Variants in PSMG4 observed in about 807,000 individuals in gnomAD.
PSMG4 encodes the protein proteasome assembly chaperone 4.
PSMG4 carries 10 observed loss-of-function variants against 11.0 expected under a neutral mutation model. The observed-to-expected ratio is 0.91, with a 90% CI of 0.56 to 1.54. The LOEUF (loss-of-function observed/expected upper bound fraction) is 1.54. PSMG4 is among the 40% of genes most tolerant of loss of function. The pLI, the probability that PSMG4 is intolerant of heterozygous loss-of-function variation, is 0.00. For missense variants in PSMG4, 198 were observed against 160.9 expected, an observed-to-expected ratio of 1.23 and a Z score of -1.25; for synonymous variants, 95 against 71.3, an observed-to-expected ratio of 1.33 and a Z score of -1.68.
upstream of PSMG4, chr6:3,255,344 T>C (rs1757724834): frequency 4.1e-6 from 6 of 1,456,070 alleles, no homozygotes; most frequent in Non-Finnish European, 5.4e-6. Flanking sequence ...AGTCATTCTA[T>C]GTAGTTGCTT....
At position 3,267,848 on chromosome 6, in the gene PSMG4, AGT is replaced by A. The variant is rs1758256281; in HGVS notation, c.*142_*143del. ...TAATCTTTTGAGCTTCCTTCTCAGC[AGT>A]GTGTGGGCCAAAAGGCTCATACTGA... On this transcript the variant is annotated 3_prime_UTR_variant, in exon 3 of 3. Coordinates refer to ENST00000438998, the MANE Select transcript of PSMG4 (RefSeq NM_001128591.2). 6.6e-6 allele frequency: 6 copies of A among 914,136 alleles called. No homozygotes were observed. The South Asian group carries it at 8.3e-5, about 13-fold the overall frequency. 56.6% of individuals were successfully genotyped at this position (914,136 alleles called of 1,614,324 possible).
intron 1 of PSMG4, 37 bp downstream of exon 1, chr6:3,259,233 C>T (rs1259108238): frequency 2.9e-6 from 3 of 1,029,248 alleles, no homozygotes; most frequent in African/African-American, 4.1e-5. Flanking sequence ...GGCGGCGGGG[C>T]GGGGGCGCGG....
At chr6:3,260,977 A>G (rs973782105) in intron 1 of PSMG4, among the ~76,000 whole-genome samples, 2 of 151,998 alleles carry the variant, frequency 1.3e-5, no homozygotes, top group Admixed American at 6.5e-5. Flanking sequence ...TGAGTGTTTC[A>G]CGGTGAGGTT....
chr6:3,263,621 C>T (rs1487225925), intron 1 of PSMG4, 63 bp from the exon 2 acceptor site: 7 of 1,380,584 alleles, frequency 5.1e-6, no homozygotes, highest in African/African-American at 4.4e-5. Flanking sequence ...GCCCGGAAGC[C>T]AGAAGTGTGG....
At chr6:3,261,792 C>T (rs977064262) in intron 1 of PSMG4, among the ~76,000 whole-genome samples, 3 of 152,178 alleles carry the variant, frequency 2.0e-5, no homozygotes, top group Admixed American at 2.0e-4. Flanking sequence ...GTGGGCCAGC[C>T]CTCCATCTAC....
chr6:3,261,307 G>A (rs952173922), intron 1 of PSMG4, among the ~76,000 whole-genome samples: 6 of 152,170 alleles, frequency 3.9e-5, no homozygotes, highest in African/African-American at 1.4e-4. Flanking sequence ...AGAGGCCTGG[G>A]GGACCAGGGG....
upstream of PSMG4, among the ~76,000 whole-genome samples, chr6:3,256,908 C>G (rs773708783): frequency 6.6e-6 from 1 of 152,072 alleles, no homozygotes; most frequent in African/African-American, 2.4e-5. Flanking sequence ...TGAAGTGGAC[C>G]TAGGTGGCAC....
chr6:3,255,170 TA>T, upstream of PSMG4: 3 of 1,550,844 alleles, frequency 1.9e-6, no homozygotes, highest in Non-Finnish European at 2.6e-6. Context: ...ACTGACGGCT[TA>T]CATGTGCGCT....
At chr6:3,254,992 C>G (rs184736294), upstream of PSMG4, 110 of 1,524,336 alleles carry the variant, frequency 7.2e-5, 2 homozygotes, top group Middle Eastern at 5.1e-4. Flanking sequence ...ATCCCATGGA[C>G]CTAGCGCACT....
At chr6:3,255,417 T>C (rs1332778341), upstream of PSMG4, among the ~76,000 whole-genome samples, 1 of 151,256 alleles carries the variant, frequency 6.6e-6, no homozygotes, top group Non-Finnish European at 1.5e-5. Context: ...TCACACTTCG[T>C]GGACACTCCA....
chr6:3,264,376 T>C, intron 2 of PSMG4: 4 of 1,529,512 alleles, frequency 2.6e-6, no homozygotes, highest in Non-Finnish European at 3.5e-6. Flanking sequence ...CTGTGGCCAG[T>C]GTGCACAGGA....
chr6:3,261,557 C>T (rs1013695356), intron 1 of PSMG4, among the ~76,000 whole-genome samples: 8 of 152,188 alleles, frequency 5.3e-5, no homozygotes, highest in Non-Finnish European at 8.8e-5. Context: ...GGAAAGTGCC[C>T]CTCCAGCAAA....
At chr6:3,254,989 G>A (rs1561836545), upstream of PSMG4, 5 of 1,510,734 alleles carry the variant, frequency 3.3e-6, no homozygotes, top group African/African-American at 1.4e-5. Context: ...TGGATCCCAT[G>A]GACCTAGCGC....
rs1317209043 is a variant in PSMG4, at chr6:3,267,734, T to C, written c.*22T>C. The C allele has an allele frequency of 2.6e-6, 4 of 1,550,236 alleles. No individual in the cohort carries two copies. In the South Asian group the frequency reaches 4.8e-5, roughly 18 times the overall value. ...CTAGCTGAGTGGCAGAAGTGAGAAT[T>C]TGTAAACTTATGTACAATGTACGTG... is the stretch of plus-strand genomic sequence containing the variant. On this transcript the variant is annotated 3_prime_UTR_variant, in exon 3 of 3. Transcript: ENST00000438998.
intron 1 of PSMG4, among the ~76,000 whole-genome samples, 159 bp from the exon 2 acceptor site, chr6:3,263,522 GGTT>G (rs1758070455): frequency 6.6e-6 from 1 of 152,142 alleles, no homozygotes; most frequent in South Asian, 2.1e-4. Flanking sequence ...CCACCTACTT[GGTT>G]GTTGACGGAC....
upstream of PSMG4, chr6:3,258,876 T>TCCCCGACCACGCCCCTCAC: frequency 6.4e-6 from 5 of 775,356 alleles, no homozygotes; most frequent in Non-Finnish European, 8.7e-6. Context: ...GGATCGCCCC[T>TCCCCGACCACGCCCCTCAC]CCCCGACCAC....
chr6:3,255,309 G>A, upstream of PSMG4: 1 of 1,513,686 alleles, frequency 6.6e-7, no homozygotes, highest in Non-Finnish European at 8.9e-7. Flanking sequence ...GGAGAGTGGT[G>A]GATGAGGCTA....
chr6:3,256,747 G>A (rs1043068513), upstream of PSMG4, among the ~76,000 whole-genome samples: 1 of 152,234 alleles, frequency 6.6e-6, no homozygotes, highest in African/African-American at 2.4e-5. Flanking sequence ...CATCAGAGTT[G>A]TGAGTTGTTC....
intron 1 of PSMG4, among the ~76,000 whole-genome samples, chr6:3,259,567 A>G (rs1757895016): frequency 6.6e-6 from 1 of 152,164 alleles, no homozygotes; most frequent in African/African-American, 2.4e-5. Flanking sequence ...TTGCGTCTCC[A>G]CTGGATGTCT....
Sources: allele counts gnomAD v4.1 joint callset (sites outside exome capture counted in the v4.1 genomes callset), GRCh38; gene constraint gnomAD v4.1.1; transcripts MANE v1.5; gene names NCBI Gene and HGNC (gene_info 2026-07-23, HGNC 2026-07-21).